Variants in FSTL4 observed in about 807,000 individuals in gnomAD.
The protein encoded by FSTL4 is follistatin-related protein 4.
FSTL4 carries 28 observed loss-of-function variants against 78.2 expected under a neutral mutation model. That is an observed-to-expected ratio of 0.36 (90% confidence interval 0.27 to 0.49). The LOEUF is 0.49. FSTL4 is among the 20% of genes least tolerant of loss of function. The pLI is 0.98. For missense variants in FSTL4, 922 were observed against 1,084.9 expected, an observed-to-expected ratio of 0.85 and a Z score of 2.11; for synonymous variants, 422 against 440.5, an observed-to-expected ratio of 0.96 and a Z score of 0.53.
At chr5:133,784,703 A>C in the FSTL4 span, among the ~76,000 whole-genome samples, 1 of 152,146 alleles carries the variant, frequency 6.6e-6, no homozygotes, top group Non-Finnish European at 1.5e-5. Flanking sequence ...GGGCAGAATT[A>C]AGTGAGACCT....
chr5:133,740,329 G>A, the FSTL4 span, among the ~76,000 whole-genome samples: 1 of 152,136 alleles, frequency 6.6e-6, no homozygotes, highest in Non-Finnish European at 1.5e-5. Flanking sequence ...CTTAAGGCCT[G>A]CCCCTGGCCC....
intron 2 of FSTL4, among the ~76,000 whole-genome samples, chr5:133,580,076 C>G (rs1412762025): frequency 6.6e-6 from 1 of 152,142 alleles, no homozygotes; most frequent in Non-Finnish European, 1.5e-5. Context: ...CTTGAAGATC[C>G]CTTAATCCAA....
intron 7 of FSTL4, among the ~76,000 whole-genome samples, chr5:133,241,805 C>T (rs1193956311): frequency 6.6e-6 from 1 of 152,204 alleles, no homozygotes; most frequent in East Asian, 1.9e-4. Context: ...TCCTGAATCC[C>T]CAGGCTGAGA....
intron 3 of FSTL4, among the ~76,000 whole-genome samples, chr5:133,402,905 C>T (rs943115064): frequency 6.1e-4 from 93 of 152,254 alleles, no homozygotes; most frequent in Non-Finnish European, 5.9e-4. Context: ...CCCCTCTGCA[C>T]GCCTTCCTGT....
At chr5:133,513,551 C>T (rs1209066310) in intron 3 of FSTL4, among the ~76,000 whole-genome samples, 1 of 152,148 alleles carries the variant, frequency 6.6e-6, no homozygotes, top group African/African-American at 2.4e-5. Context: ...GTGGATTCTT[C>T]CTATAGAATT....
At chr5:133,502,211 G>A (rs1338443290) in intron 3 of FSTL4, among the ~76,000 whole-genome samples, 1 of 152,198 alleles carries the variant, frequency 6.6e-6, no homozygotes, top group Non-Finnish European at 1.5e-5. Flanking sequence ...ACAGGCACGG[G>A]TGATGCAAAG....
the FSTL4 span, among the ~76,000 whole-genome samples, chr5:133,826,572 G>A: frequency 4.0e-3 from 605 of 152,244 alleles, 4 homozygotes; most frequent in African/African-American, 0.014. Flanking sequence ...CCTCCTCTTC[G>A]TGTGTCTTCT....
chr5:133,238,885 C>T (rs1161951930), intron 7 of FSTL4, among the ~76,000 whole-genome samples: 1 of 152,374 alleles, frequency 6.6e-6, no homozygotes, highest in Non-Finnish European at 1.5e-5. Flanking sequence ...GGTTCCCACT[C>T]TGGCCATGCT....
the FSTL4 span, among the ~76,000 whole-genome samples, chr5:133,768,057 G>A: frequency 6.6e-6 from 1 of 152,124 alleles, no homozygotes; most frequent in Admixed American, 6.5e-5. Flanking sequence ...AGAGGAATGA[G>A]CCAATGAAGC....
At chr5:133,678,792 A>T in the FSTL4 span, among the ~76,000 whole-genome samples, 1 of 152,164 alleles carries the variant, frequency 6.6e-6, no homozygotes, top group Non-Finnish European at 1.5e-5. Context: ...GGGAGTGCAG[A>T]TCTAGGAGAA....
chr5:133,498,857 TG>T (rs200284564), intron 3 of FSTL4, among the ~76,000 whole-genome samples: 3,183 of 152,206 alleles, frequency 0.021, 117 homozygotes, highest in African/African-American at 0.073. Flanking sequence ...GAGCACCTGC[TG>T]GGGCCTGTCT....
chr5:133,255,649 C>A (rs1752363433), intron 6 of FSTL4, among the ~76,000 whole-genome samples: 1 of 152,244 alleles, frequency 6.6e-6, no homozygotes, highest in Admixed American at 6.5e-5. Context: ...CCCTTCAAAC[C>A]AGTGCAGTAG....
At chr5:133,696,563 G>T in the FSTL4 span, among the ~76,000 whole-genome samples, 1 of 152,194 alleles carries the variant, frequency 6.6e-6, no homozygotes, top group Non-Finnish European at 1.5e-5. Flanking sequence ...CTACCAAAAG[G>T]TCACCTCTGA....
At chr5:133,205,386 C>CGTGTGTGT (rs3087070) in intron 14 of FSTL4, among the ~76,000 whole-genome samples, 23 of 150,842 alleles carry the variant, frequency 1.5e-4, no homozygotes, top group Non-Finnish European at 2.8e-4. Flanking sequence ...TTTTTCTTTG[C>CGTGTGTGT]GTGTGTGTGT....
the FSTL4 span, among the ~76,000 whole-genome samples, chr5:133,699,425 A>G: frequency 6.6e-6 from 1 of 152,108 alleles, no homozygotes; most frequent in Admixed American, 6.5e-5. Flanking sequence ...CTTACTACAC[A>G]CCGAGAACTG....
At chr5:133,288,708 G>C (rs1753191079) in intron 6 of FSTL4, among the ~76,000 whole-genome samples, 2 of 152,206 alleles carry the variant, frequency 1.3e-5, no homozygotes, top group Admixed American at 1.3e-4. Context: ...AGTGAAGGTA[G>C]ACCCAAGGCC....
intron 3 of FSTL4, among the ~76,000 whole-genome samples, chr5:133,476,764 G>C (rs1393140552): frequency 6.6e-6 from 1 of 152,152 alleles, no homozygotes; most frequent in Non-Finnish European, 1.5e-5. Flanking sequence ...CTATTCAAGG[G>C]TCAGAGCTTG....
chr5:133,390,685 G>A (rs1755826567), intron 4 of FSTL4, among the ~76,000 whole-genome samples: 1 of 152,228 alleles, frequency 6.6e-6, no homozygotes, highest in South Asian at 2.1e-4. Flanking sequence ...AGCCTGCTCT[G>A]CTGGGAAGTG....
chr5:133,282,396 G>A (rs561048213), intron 6 of FSTL4, among the ~76,000 whole-genome samples: 1 of 152,122 alleles, frequency 6.6e-6, no homozygotes, highest in Non-Finnish European at 1.5e-5. Flanking sequence ...TGGCCATTTG[G>A]GGGAGAAGCC....
Sources: gnomAD v4.1 joint callset for allele counts (sites outside exome capture counted in the v4.1 genomes callset) on GRCh38, gnomAD v4.1.1 for gene constraint, MANE v1.5 for transcripts, NCBI Gene and HGNC (gene_info 2026-07-23, HGNC 2026-07-21) for gene names.